Variants in NEBL observed in about 807,000 individuals in gnomAD.
The protein encoded by NEBL is LIM and SH3 protein 2.
NEBL carries 122 observed loss-of-function variants against 140.2 expected under a neutral mutation model. The observed-to-expected ratio is 0.87, with a 90% CI of 0.75 to 1.01. The LOEUF is 1.01. NEBL is among the 50% of genes least tolerant of loss of function. The pLI, the probability that NEBL is intolerant of heterozygous loss-of-function variation, is 0.00. For synonymous variants in NEBL, 436 were observed against 398.9 expected, an observed-to-expected ratio of 1.09 and a Z score of -1.11; for missense variants, 1,365 against 1,231.3, an observed-to-expected ratio of 1.11 and a Z score of -1.62.
chr10:21,174,055 C>G (rs1290252252), exon 1 of NEBL: 4 of 1,117,036 alleles, frequency 3.6e-6, no homozygotes, highest in East Asian at 1.1e-4. Flanking sequence ...GGCGCTGGGT[C>G]TCGGCTCCGG....
chr10:20,849,370 C>T (rs1229400907), intron 11 of NEBL, among the ~76,000 whole-genome samples: 5 of 152,008 alleles, frequency 3.3e-5, no homozygotes, highest in Admixed American at 6.6e-5. Flanking sequence ...TCAAATACGC[C>T]GCCTATGCTT....
intron 4 of NEBL, among the ~76,000 whole-genome samples, chr10:20,938,688 G>GA (rs1197271947): frequency 2.0e-5 from 3 of 151,882 alleles, no homozygotes; most frequent in African/African-American, 4.8e-5. Context: ...TTAAAAACTT[G>GA]AAAAAAAATT....
chr10:21,231,567 A>G (rs899903637), intron 3 of NEBL, among the ~76,000 whole-genome samples: 13 of 151,868 alleles, frequency 8.6e-5, no homozygotes, highest in African/African-American at 2.9e-4. Flanking sequence ...AAAAGAAAAG[A>G]AAAAGAAAAG....
intron 2 of NEBL, among the ~76,000 whole-genome samples, chr10:21,139,987 CAAA>C (rs11289396): frequency 8.0e-5 from 8 of 99,654 alleles, no homozygotes; most frequent in Non-Finnish European, 1.1e-4. Flanking sequence ...CCTGTCTCAA[CAAA>C]AAAAAAAAAA....
At chr10:20,880,045 C>A (rs1293505607) in intron 5 of NEBL, among the ~76,000 whole-genome samples, 1 of 152,172 alleles carries the variant, frequency 6.6e-6, no homozygotes, top group Non-Finnish European at 1.5e-5. Flanking sequence ...TTAGGTTGGA[C>A]CATCTGTTCT....
chr10:21,113,092 A>G (rs573262591), intron 2 of NEBL: 5 of 239,910 alleles, frequency 2.1e-5, no homozygotes, highest in African/African-American at 1.2e-4. Context: ...GAGAATAAGA[A>G]TAAGAAGAAG....
intron 7 of NEBL, among the ~76,000 whole-genome samples, chr10:20,862,104 G>T (rs1289882689): frequency 1.3e-5 from 2 of 152,112 alleles, no homozygotes; most frequent in Non-Finnish European, 2.9e-5. Flanking sequence ...TTGAAGTATG[G>T]TTTCTACTAA....
intron 1 of NEBL, among the ~76,000 whole-genome samples, chr10:21,263,569 G>T (rs1842765079): frequency 6.6e-6 from 1 of 152,120 alleles, no homozygotes. Context: ...TCTCCCCGGG[G>T]GTTAGTTTTG....
chr10:21,186,965 CAGAT>C (rs1339912874), intron 3 of NEBL, among the ~76,000 whole-genome samples: 1 of 150,928 alleles, frequency 6.6e-6, no homozygotes, highest in African/African-American at 2.4e-5. Context: ...TCAGAACCCA[CAGAT>C]ACAGAGGGCC....
intron 4 of NEBL, among the ~76,000 whole-genome samples, chr10:20,910,940 G>A (rs1848305806): frequency 6.6e-6 from 1 of 151,860 alleles, no homozygotes; most frequent in Non-Finnish European, 1.5e-5. Context: ...GGTCAGGGTG[G>A]GAGGATGGCT....
chr10:20,964,371 T>A (rs1836192514), intron 3 of NEBL, among the ~76,000 whole-genome samples: 1 of 152,194 alleles, frequency 6.6e-6, no homozygotes, highest in Non-Finnish European at 1.5e-5. Flanking sequence ...TTTATTTGGC[T>A]TATGGTTCTG....
chr10:21,115,973 A>C (rs894741023), intron 2 of NEBL, among the ~76,000 whole-genome samples: 6 of 151,900 alleles, frequency 3.9e-5, no homozygotes, highest in Non-Finnish European at 2.9e-5. Context: ...CATTTTAGAT[A>C]ATTGCTATAT....
chr10:20,838,311 G>A (rs1841090469), intron 13 of NEBL, among the ~76,000 whole-genome samples: 1 of 152,178 alleles, frequency 6.6e-6, no homozygotes, highest in Non-Finnish European at 1.5e-5. Flanking sequence ...GGATGACTTT[G>A]AGGGGTTCAA....
chr10:21,227,696 TTCTTCTTCTTCTTCTTTCTTC>T (rs1482818887), intron 3 of NEBL, among the ~76,000 whole-genome samples: 56 of 88,546 alleles, frequency 6.3e-4, no homozygotes, highest in African/African-American at 3.0e-3. Context: ...CTTCTTCTTC[TTCTTCTTCTTCTTCTTTCTTC>T]TTCTTCTTCT....
chr10:21,054,991 G>A (rs760490987), intron 2 of NEBL, among the ~76,000 whole-genome samples: 4 of 152,152 alleles, frequency 2.6e-5, no homozygotes, highest in Non-Finnish European at 4.4e-5. Flanking sequence ...GGGCAGAACT[G>A]ATGAAAGTTC....
At chr10:21,272,260 C>T (rs1296236935) in intron 1 of NEBL, among the ~76,000 whole-genome samples, 4 of 151,340 alleles carry the variant, frequency 2.6e-5, no homozygotes, top group African/African-American at 9.7e-5. Flanking sequence ...CCACCGCACC[C>T]GGCAAATATA....
At chr10:20,840,603 A>C in intron 13 of NEBL, 136 bp downstream of exon 13, 1 of 662,190 alleles carries the variant, frequency 1.5e-6, no homozygotes, top group Non-Finnish European at 2.6e-6. Context: ...AGTCCAAGAA[A>C]AGACTACAAG....
At chr10:21,186,850 T>C (rs1488995838) in intron 3 of NEBL, among the ~76,000 whole-genome samples, 1 of 152,060 alleles carries the variant, frequency 6.6e-6, no homozygotes, top group African/African-American at 2.4e-5. Context: ...TTATGCTGTA[T>C]TGATTGGAGA....
chr10:20,875,215 C>G (rs182311820), intron 5 of NEBL, among the ~76,000 whole-genome samples: 60 of 152,160 alleles, frequency 3.9e-4, no homozygotes, highest in African/African-American at 1.3e-3. Flanking sequence ...TATAATCCTC[C>G]CACTTCTGTT....
Sources: allele counts gnomAD v4.1 joint callset (sites outside exome capture counted in the v4.1 genomes callset), GRCh38; gene constraint gnomAD v4.1.1; transcripts MANE v1.5; gene names NCBI Gene and HGNC (gene_info 2026-07-23, HGNC 2026-07-21).